GABRA4: variants seen among roughly 807,000 people sequenced by gnomAD.
The protein encoded by GABRA4 is gamma-aminobutyric acid type A receptor subunit alpha4.
A neutral mutation model predicts 49.7 loss-of-function variants in GABRA4; 12 were observed. The observed-to-expected ratio is 0.24, with a 90% CI of 0.15 to 0.39. The LOEUF (loss-of-function observed/expected upper bound fraction) is 0.39. Ranked by LOEUF, GABRA4 falls within the 10% of genes least tolerant of loss-of-function variation. The pLI is 1.00. For synonymous variants in GABRA4, 288 were observed against 240.2 expected (o/e 1.20, Z -1.84); for missense variants, 506 against 686.0 (o/e 0.74, Z 2.93).
Position 46,920,431 on chromosome 4 carries a change from A to G in GABRA4, c.*7794T>C, listed in dbSNP as rs1047085833. The stretch of plus-strand genomic sequence containing the variant: ...TAAAATATGAGACATATGAGAAAAT[A>G]TGAAATATGAGACATGAGAAATATT... On this transcript the variant is annotated 3_prime_UTR_variant, in exon 9 of 9. Transcript: ENST00000264318. 7.9e-5 allele frequency: 12 copies of G among 151,732 alleles called. No homozygotes were observed. Among genetic ancestry groups the G allele is most frequent in the Non-Finnish European group, 1.6e-4 (11 of 67,676 alleles). The allele number at this position is 151,732 out of a possible 1,614,324, so 9.4% of individuals were successfully genotyped here.
chr4:46,968,532 T>C (rs914063217), intron 7 of GABRA4, among the ~76,000 whole-genome samples: 1 of 151,658 alleles, frequency 6.6e-6, no homozygotes, highest in African/African-American at 2.4e-5. Context: ...GGTCCACCAA[T>C]TACAATTTGA....
chr4:46,936,529 C>T (rs1721609066), intron 8 of GABRA4, among the ~76,000 whole-genome samples: 1 of 152,168 alleles, frequency 6.6e-6, no homozygotes, highest in Admixed American at 6.5e-5. Context: ...GGATTACAGG[C>T]ATGAGCCACA....
chr4:46,938,801 G>A (rs1201890478), intron 8 of GABRA4, among the ~76,000 whole-genome samples: 1 of 151,952 alleles, frequency 6.6e-6, no homozygotes, highest in African/African-American at 2.4e-5. Context: ...AAGTAATAAG[G>A]TCTTATTAAA....
At chr4:46,973,775 T>C (rs1233764313) in intron 6 of GABRA4, among the ~76,000 whole-genome samples, 3 of 151,804 alleles carry the variant, frequency 2.0e-5, no homozygotes, top group Admixed American at 2.0e-4. Flanking sequence ...TGTATACCCA[T>C]AATATACTTT....
intron 8 of GABRA4, among the ~76,000 whole-genome samples, chr4:46,959,079 C>A (rs974522586): frequency 6.6e-6 from 1 of 151,952 alleles, no homozygotes; most frequent in Non-Finnish European, 1.5e-5. Flanking sequence ...TCTAGTTATA[C>A]GTTGTAACAT....
intron 3 of GABRA4, among the ~76,000 whole-genome samples, chr4:46,978,221 G>A (rs185535883): frequency 2.0e-4 from 31 of 152,078 alleles, no homozygotes; most frequent in East Asian, 3.9e-4. Context: ...CCAGTGCTTC[G>A]TATTCTAAGC....
At chr4:46,979,578 C>T (rs949574) in intron 2 of GABRA4, among the ~76,000 whole-genome samples, 2 of 152,038 alleles carry the variant, frequency 1.3e-5, no homozygotes, top group African/African-American at 2.4e-5. Flanking sequence ...ATTCATGTCA[C>T]CTTTATCAAC....
chr4:46,977,203 G>A, intron 4 of GABRA4, 60 bp from the exon 5 acceptor site: 1 of 1,123,820 alleles, frequency 8.9e-7, no homozygotes, highest in Middle Eastern at 2.0e-4. Flanking sequence ...TGTGACTTTA[G>A]ATTCTAAAAT....
intron 2 of GABRA4, among the ~76,000 whole-genome samples, chr4:46,986,726 G>T (rs1023980863): frequency 5.9e-5 from 9 of 151,916 alleles, no homozygotes; most frequent in African/African-American, 1.9e-4. Context: ...CATCCCAAAG[G>T]TACCATACCT....
chr4:46,992,582 C>A (rs574245453), intron 2 of GABRA4: 127 of 504,210 alleles, frequency 2.5e-4, no homozygotes, highest in Admixed American at 1.0e-3. Flanking sequence ...CCCCACCCAG[C>A]AGTCAGGTCC....
intron 8 of GABRA4, among the ~76,000 whole-genome samples, chr4:46,964,253 C>A (rs1722675884): frequency 6.6e-6 from 1 of 151,640 alleles, no homozygotes; most frequent in Non-Finnish European, 1.5e-5. Flanking sequence ...ATGATGGTTA[C>A]CAGAGACTGG....
intron 5 of GABRA4, among the ~76,000 whole-genome samples, chr4:46,974,721 A>T (rs1024238895): frequency 1.3e-5 from 2 of 151,934 alleles, no homozygotes; most frequent in Non-Finnish European, 2.9e-5. Context: ...AAGCAGATAT[A>T]TTGAACTCCC....
At chr4:46,983,078 T>G (rs927628073) in intron 2 of GABRA4, among the ~76,000 whole-genome samples, 5 of 152,088 alleles carry the variant, frequency 3.3e-5, no homozygotes, top group Non-Finnish European at 7.4e-5. Flanking sequence ...CTCATGAGAA[T>G]GTTATGGATC....
At chr4:46,974,168 G>T (rs1419802166) in intron 6 of GABRA4, 64 bp downstream of exon 6, 4 of 1,496,740 alleles carry the variant, frequency 2.7e-6, no homozygotes, top group Non-Finnish European at 3.6e-6. Flanking sequence ...CAATGAAAAA[G>T]TCAGGAGAAA....
chr4:46,978,001 A>T (rs1212365310), intron 3 of GABRA4, among the ~76,000 whole-genome samples: 1 of 152,110 alleles, frequency 6.6e-6, no homozygotes, highest in Non-Finnish European at 1.5e-5. Flanking sequence ...TGCACAATTA[A>T]TCGTGTAATT....
rs1330692218 is a variant in GABRA4, at chr4:46,928,109, T to A, written c.*116A>T. The A allele has an allele frequency of 1.1e-6, 1 of 922,310 alleles. No individual in the cohort carries two copies. Among genetic ancestry groups the A allele is most frequent in the African/African-American group, 1.7e-5 (1 of 59,774 alleles). 57.1% of individuals were successfully genotyped at this position (922,310 alleles called of 1,614,324 possible). ...CCAATAACTGGCTTATATCTTTAAA[T>A]GGAAAAATTACACAGAGTTTTTATT... is the stretch of plus-strand genomic sequence containing the variant. On this transcript the variant is annotated 3_prime_UTR_variant, in exon 9 of 9. Coordinates refer to ENST00000264318, the MANE Select transcript of GABRA4 (RefSeq NM_000809.4).
intron 8 of GABRA4, among the ~76,000 whole-genome samples, chr4:46,934,729 G>A (rs1721550489): frequency 6.6e-6 from 1 of 152,108 alleles, no homozygotes; most frequent in African/African-American, 2.4e-5. Context: ...TTTAAGATAG[G>A]TGACTTTGTG....
intron 2 of GABRA4, among the ~76,000 whole-genome samples, chr4:46,982,741 AT>A (rs1723400450): frequency 6.6e-6 from 1 of 152,146 alleles, no homozygotes; most frequent in African/African-American, 2.4e-5. Context: ...ATTAGATTAT[AT>A]TTTTTACAAA....
intron 3 of GABRA4, 47 bp from the exon 4 acceptor site, chr4:46,977,677 A>G (rs1375062639): frequency 1.6e-6 from 2 of 1,288,008 alleles, no homozygotes; most frequent in East Asian, 2.3e-5. Context: ...ATGACTACAC[A>G]TAAGTATGTG....
Sources: allele counts gnomAD v4.1 joint callset (sites outside exome capture counted in the v4.1 genomes callset), GRCh38; gene constraint gnomAD v4.1.1; transcripts MANE v1.5; gene names NCBI Gene and HGNC (gene_info 2026-07-23, HGNC 2026-07-21).